LSM3: variants seen among roughly 807,000 people sequenced by gnomAD.
LSM3 encodes LSM3 homolog, U6 small nuclear RNA and mRNA degradation associated.
LSM3 carries 14 observed loss-of-function variants against 15.4 expected under a neutral mutation model. The observed-to-expected ratio is 0.91, with a 90% CI of 0.60 to 1.42. The LOEUF (loss-of-function observed/expected upper bound fraction) is 1.42, where lower values mean the gene tolerates loss of function less well. Ranked by LOEUF, LSM3 falls within the 40% of genes most tolerant of loss-of-function variation. The pLI, the probability that LSM3 is intolerant of heterozygous loss-of-function variation, is 0.00. For synonymous variants in LSM3, 46 were observed against 45.1 expected (o/e 1.02, Z -0.08); for missense variants, 88 against 127.9 (o/e 0.69, Z 1.50).
rs1233131029 is a variant in LSM3 at position 14,182,892 on chromosome 3, T to C, written c.133-1045T>C. On this transcript the variant is annotated intron_variant, in intron 2 of 3. Coordinates refer to ENST00000306024, the MANE Select transcript of LSM3 (RefSeq NM_014463.3). ...TGACCTGAGCCCCACTCTTAAGTAC[T>C]GTGGTTCCGCCTTCCACAAAACCTA... is the stretch of plus-strand genomic sequence containing the variant. Among the ~76,000 whole-genome samples the C allele has an allele frequency of 2.0e-5, 3 of 152,196 alleles. No homozygotes were observed. The East Asian group carries it at 5.8e-4, about 29-fold the overall frequency.
intron 3 of LSM3, among the ~76,000 whole-genome samples, chr3:14,191,728 C>T (rs1697141663): frequency 6.6e-6 from 1 of 151,954 alleles, no homozygotes; most frequent in African/African-American, 2.4e-5. Context: ...TTCAAAGAAC[C>T]ACCTCCTGGA....
At chr3:14,193,106 C>T (rs533883077) in intron 3 of LSM3, among the ~76,000 whole-genome samples, 2 of 152,150 alleles carry the variant, frequency 1.3e-5, no homozygotes, top group East Asian at 3.9e-4. Flanking sequence ...ATATTGGTTC[C>T]CACTCTCTTC....
At chr3:14,183,870 T>C in intron 2 of LSM3, 67 bp from the exon 3 acceptor site, 1 of 1,230,638 alleles carries the variant, frequency 8.1e-7, no homozygotes, top group Non-Finnish European at 1.1e-6. Context: ...ATTTGCATAT[T>C]GTTAAGCCTT....
At chr3:14,189,296 A>G (rs1697118086) in intron 3 of LSM3, among the ~76,000 whole-genome samples, 1 of 152,238 alleles carries the variant, frequency 6.6e-6, no homozygotes, top group Non-Finnish European at 1.5e-5. Context: ...AGCATGATTT[A>G]TAATCCTTTG....
intron 3 of LSM3, among the ~76,000 whole-genome samples, chr3:14,190,567 G>A (rs1697130111): frequency 6.6e-6 from 1 of 152,156 alleles, no homozygotes; most frequent in Non-Finnish European, 1.5e-5. Flanking sequence ...TTGTGAATGG[G>A]AGTTCACTCA....
Position 14,199,713 on chromosome 3 carries a change from C to T in LSM3, c.*1597C>T, listed in dbSNP as rs1242061361. ...GTGGTCCCAGGAGATAACCTGTTTA[C>T]AGCAGCCCATTCAGTATTGAAAAAT... On this transcript the variant is annotated 3_prime_UTR_variant, in exon 4 of 4. Coordinates refer to ENST00000306024, the MANE Select transcript of LSM3 (RefSeq NM_014463.3). 6.6e-6 allele frequency: 1 copy of T among 152,252 alleles called. No individual in the cohort carries two copies. Among genetic ancestry groups the T allele is most frequent in the Non-Finnish European group, 1.5e-5 (1 of 68,068 alleles). The allele number at this position is 152,252 out of a possible 1,614,324, so 9.4% of individuals were successfully genotyped here.
In LSM3 at chr3:14,199,572, T is replaced by C. The variant is rs932412229; in HGVS notation, c.*1456T>C. On this transcript the variant is annotated 3_prime_UTR_variant, in exon 4 of 4. Coordinates refer to ENST00000306024, the MANE Select transcript of LSM3 (RefSeq NM_014463.3). ...AATGGTACATGCCCCTGCAAGTTCA[T>C]GGAGAAGAGAAAAACAAGTGTGGGT... 2 of 152,212 alleles carry C rather than the reference T, an allele frequency of 1.3e-5. No individual in the cohort carries two copies. The highest frequency in any genetic ancestry group is 4.8e-5 in the African/African-American group (2 of 41,464). The allele number at this position is 152,212 out of a possible 1,614,324, so 9.4% of individuals were successfully genotyped here. A position where few individuals can be genotyped will look rare whatever the true frequency, so the allele number is the denominator to read the frequency against.
At chr3:14,182,471 C>T (rs1697048930) in intron 2 of LSM3, among the ~76,000 whole-genome samples, 1 of 151,778 alleles carries the variant, frequency 6.6e-6, no homozygotes, top group East Asian at 1.9e-4. Context: ...GCTACAAATA[C>T]GTAAATACTT....
At chr3:14,188,886 C>T (rs1197780119) in intron 3 of LSM3, among the ~76,000 whole-genome samples, 5 of 151,900 alleles carry the variant, frequency 3.3e-5, no homozygotes, top group Non-Finnish European at 7.4e-5. Flanking sequence ...ATACACGTGC[C>T]CTGGTGGTTT....
chr3:14,183,794 A>G (rs1318278052), intron 2 of LSM3, 143 bp from the exon 3 acceptor site: 1 of 537,536 alleles, frequency 1.9e-6, no homozygotes, highest in Non-Finnish European at 3.3e-6. Flanking sequence ...GTACTGTAGG[A>G]TTACTTTTTA....
intron 3 of LSM3, among the ~76,000 whole-genome samples, chr3:14,188,461 C>G: frequency 6.6e-6 from 1 of 152,172 alleles, no homozygotes; most frequent in East Asian, 1.9e-4. Flanking sequence ...CTTAAAATTA[C>G]AAAATGCAGA....
At chr3:14,183,130 T>C (rs1441183343) in intron 2 of LSM3, among the ~76,000 whole-genome samples, 2 of 152,204 alleles carry the variant, frequency 1.3e-5, no homozygotes, top group African/African-American at 4.8e-5. Context: ...GGCCCCAACT[T>C]TCTGTTTGTT....
intron 2 of LSM3, among the ~76,000 whole-genome samples, chr3:14,183,506 C>G (rs919064901): frequency 1.3e-5 from 2 of 152,146 alleles, no homozygotes; most frequent in African/African-American, 4.8e-5. Flanking sequence ...TACCAGTAAA[C>G]AAAGGATTTT....
At chr3:14,189,016 T>C (rs1697115718) in intron 3 of LSM3, among the ~76,000 whole-genome samples, 1 of 152,168 alleles carries the variant, frequency 6.6e-6, no homozygotes, top group Non-Finnish European at 1.5e-5. Flanking sequence ...TGTGTTCTCA[T>C]TGTTCAACTC....
chr3:14,184,195 T>C (rs1213533620), intron 3 of LSM3, among the ~76,000 whole-genome samples, 163 bp downstream of exon 3: 1 of 152,236 alleles, frequency 6.6e-6, no homozygotes, highest in Non-Finnish European at 1.5e-5. Flanking sequence ...ACAGACCCTG[T>C]TGCCAGTACT....
At chr3:14,189,412 C>G (rs1052716756) in intron 3 of LSM3, among the ~76,000 whole-genome samples, 2 of 152,210 alleles carry the variant, frequency 1.3e-5, no homozygotes, top group African/African-American at 2.4e-5. Context: ...AATTTTCACT[C>G]CCACCAACAG....
At position 14,178,869 on chromosome 3, in the gene LSM3, C is replaced by G. The variant is rs1343877166; in HGVS notation, c.9C>G (p.Asp3Glu). 1 of 1,614,186 alleles carries G rather than the reference C, an allele frequency of 6.2e-7. No individual in the cohort carries two copies. The highest frequency in any genetic ancestry group is 8.5e-7 in the Non-Finnish European group (1 of 1,180,038). The change falls in exon 1 of 4, where the codon GAC becomes GAG. Residue 3 changes from aspartate (D) to glutamate (E), a missense_variant. By Grantham distance (45) the Asp-to-Glu change is conservative. Transcript: ENST00000306024. The stretch of plus-strand genomic sequence containing the variant: ...GGCGCAGGGTTTGAAACATGGCGGA[C>G]GACGTAGACCAGGTAAGTGTATTTT... The part of the protein sequence containing the change: MA[D>E]DVDQQQTTNT...
chr3:14,180,913 C>T (rs901792263), intron 1 of LSM3, among the ~76,000 whole-genome samples: 62 of 137,970 alleles, frequency 4.5e-4, no homozygotes, highest in Admixed American at 1.7e-3. Flanking sequence ...TGCAGTGGCA[C>T]GATCTTGGCT....
intron 2 of LSM3, 41 bp downstream of exon 2, chr3:14,181,711 C>G: frequency 7.5e-7 from 1 of 1,333,618 alleles, no homozygotes; most frequent in Non-Finnish European, 1.1e-6. Flanking sequence ...CAGATTCCTT[C>G]CTACCCCCAC....
Sources: allele counts gnomAD v4.1 joint callset (sites outside exome capture counted in the v4.1 genomes callset), GRCh38; gene constraint gnomAD v4.1.1; transcripts MANE v1.5; gene names NCBI Gene and HGNC (gene_info 2026-07-23, HGNC 2026-07-21).